The following RUFY4 variants were observed in gnomAD, a reference collection of about 807,000 sequenced individuals.
RUFY4 encodes RUN and FYVE domain containing 4, also known as RUN and FYVE domain-containing protein 4.
RUFY4 carries 73 observed loss-of-function variants against 69.0 expected under a neutral mutation model. That is an observed-to-expected ratio of 1.06 (90% CI 0.88 to 1.29). RUFY4 has a LOEUF of 1.29. RUFY4 is among the 50% of genes most tolerant of loss of function. RUFY4 has a pLI of 0.00. For synonymous variants in RUFY4, 287 were observed against 271.8 expected, an observed-to-expected ratio of 1.06 and a Z score of -0.55; for missense variants, 770 against 705.6, an observed-to-expected ratio of 1.09 and a Z score of -1.03.
chr2:218,076,604 G>T, intron 8 of RUFY4, 71 bp downstream of exon 10: 2 of 1,529,822 alleles, frequency 1.3e-6, no homozygotes, highest in Non-Finnish European at 1.8e-6. Flanking sequence ...TCACGGTCAA[G>T]CCAGTGAGGT....
At chr2:218,075,989 G>C (rs1039060211) in intron 7 of RUFY4, among the ~76,000 whole-genome samples, 2 of 152,150 alleles carry the variant, frequency 1.3e-5, no homozygotes, top group African/African-American at 4.8e-5. Context: ...GCCCCAGTAG[G>C]CTTTGGAGTT....
upstream of RUFY4, chr2:218,069,046 C>G (rs1289602115): frequency 6.6e-6 from 1 of 152,416 alleles, no homozygotes; most frequent in Non-Finnish European, 1.5e-5. Flanking sequence ...CCAGCTACCA[C>G]AATGGATCAG....
At chr2:218,065,387 G>A (rs1254606846), upstream of RUFY4, 2 of 152,782 alleles carry the variant, frequency 1.3e-5, no homozygotes, top group Admixed American at 6.5e-5. Context: ...AAGGTGCAGG[G>A]CGTGCTCCTG....
At chr2:218,063,030 C>T (rs1455555008) in intron 3 of RUFY4, among the ~76,000 whole-genome samples, 1 of 152,260 alleles carries the variant, frequency 6.6e-6, no homozygotes, top group Admixed American at 6.5e-5. Context: ...TCCATCTCTG[C>T]TGGCTCTGCC....
At chr2:218,077,049 A>G (rs1393839974) in intron 8 of RUFY4, among the ~76,000 whole-genome samples, 5 of 152,154 alleles carry the variant, frequency 3.3e-5, no homozygotes, top group Non-Finnish European at 7.3e-5. Context: ...TAACACCCTT[A>G]TGAGATGAGT....
intron 8 of RUFY4, among the ~76,000 whole-genome samples, chr2:218,078,645 T>C (rs1559435969): frequency 6.6e-6 from 1 of 152,174 alleles, no homozygotes; most frequent in East Asian, 1.9e-4. Flanking sequence ...ACATGCTTTT[T>C]CAAATGCTTA....
At chr2:218,058,021 A>G (rs1689100725) in intron 2 of RUFY4, among the ~76,000 whole-genome samples, 3 of 152,260 alleles carry the variant, frequency 2.0e-5, no homozygotes, top group Admixed American at 2.0e-4. Flanking sequence ...ATAGGTTTGT[A>G]GTAGTATAAT....
exon 7 of RUFY4, chr2:218,075,609 G>A (rs756828927): frequency 5.1e-5 from 78 of 1,523,814 alleles, no homozygotes; most frequent in Non-Finnish European, 6.8e-5. Context: ...CATCCTGGGG[G>A]AGCCCTGGGT....
At chr2:218,088,381 C>T (rs1470797210) in intron 9 of RUFY4, among the ~76,000 whole-genome samples, 2 of 151,036 alleles carry the variant, frequency 1.3e-5, no homozygotes, top group Non-Finnish European at 2.9e-5. Context: ...TCACCTGAGC[C>T]CAGGAAGTAA....
At chr2:218,082,338 C>T (rs1358285493) in intron 8 of RUFY4, among the ~76,000 whole-genome samples, 1 of 152,054 alleles carries the variant, frequency 6.6e-6, no homozygotes, top group East Asian at 1.9e-4. Context: ...CAATTATTTC[C>T]AGCTGGGCAC....
chr2:218,061,068 A>G, intron 3 of RUFY4: 1 of 621,728 alleles, frequency 1.6e-6, no homozygotes, highest in Non-Finnish European at 3.1e-6. Flanking sequence ...CACCTGGCAC[A>G]GATTGTGCCA....
chr2:218,090,203 C>A, exon 11 of RUFY4: 1 of 439,374 alleles, frequency 2.3e-6, no homozygotes, highest in Admixed American at 2.8e-5. Context: ...CTTCTGTGGG[C>A]AGAGTAGGGT....
chr2:218,073,127 A>C (rs55900869), intron 4 of RUFY4, 116 bp from the exon 7 acceptor site: 2 of 1,240,082 alleles, frequency 1.6e-6, no homozygotes, highest in East Asian at 2.8e-5. Context: ...GAACAGCCTC[A>C]TGACGGTGTG....
At chr2:218,037,802 A>T (rs764657965) in intron 2 of RUFY4, among the ~76,000 whole-genome samples, 2 of 152,254 alleles carry the variant, frequency 1.3e-5, no homozygotes, top group Non-Finnish European at 2.9e-5. Flanking sequence ...CTATATTACC[A>T]TACCAACAAG....
chr2:218,052,994 C>G (rs1401695437), intron 2 of RUFY4, among the ~76,000 whole-genome samples: 1 of 152,032 alleles, frequency 6.6e-6, no homozygotes, highest in Non-Finnish European at 1.5e-5. Flanking sequence ...AAGGCTCACC[C>G]TGTCACCCAG....
intron 2 of RUFY4, among the ~76,000 whole-genome samples, 171 bp downstream of exon 4, chr2:218,071,030 A>C (rs1689473679): frequency 1.3e-5 from 2 of 152,090 alleles, no homozygotes; most frequent in African/African-American, 4.8e-5. Flanking sequence ...ACTGCAGCCT[A>C]AGAAGTGAAG....
intron 9 of RUFY4, among the ~76,000 whole-genome samples, chr2:218,084,605 T>C (rs1036677036): frequency 1.1e-4 from 16 of 152,078 alleles, no homozygotes; most frequent in African/African-American, 3.9e-4. Context: ...GACAAACAAA[T>C]AATTTAAGGA....
chr2:218,084,234 G>A (rs939361887), intron 9 of RUFY4, among the ~76,000 whole-genome samples: 1 of 151,514 alleles, frequency 6.6e-6, no homozygotes, highest in Non-Finnish European at 1.5e-5. Flanking sequence ...TTTTTTGTTT[G>A]CTTGTTTTTT....
chr2:218,084,981 G>A (rs1001256147), intron 9 of RUFY4, among the ~76,000 whole-genome samples: 2 of 152,194 alleles, frequency 1.3e-5, no homozygotes, highest in Non-Finnish European at 2.9e-5. Flanking sequence ...CCAGGAGGCG[G>A]AGGTTGCAGT....
Sources: allele counts gnomAD v4.1 joint callset (sites outside exome capture counted in the v4.1 genomes callset), GRCh38; gene constraint gnomAD v4.1.1; transcripts MANE v1.5; gene names NCBI Gene and HGNC (gene_info 2026-07-23, HGNC 2026-07-21).